Variants in CCDC136 observed in about 807,000 individuals in gnomAD.
The protein encoded by CCDC136 is coiled-coil domain containing 136.
A neutral mutation model predicts 141.2 loss-of-function variants in CCDC136; 100 were observed. That is an observed-to-expected ratio of 0.71 (90% confidence interval 0.60 to 0.84). CCDC136 has a LOEUF of 0.84. CCDC136 is among the 40% of genes least tolerant of loss of function. The pLI is 0.00. For synonymous variants in CCDC136, 474 were observed against 531.9 expected, an observed-to-expected ratio of 0.89 and a Z score of 1.50; for missense variants, 1,206 against 1,379.4, an observed-to-expected ratio of 0.87 and a Z score of 1.99.
chr7:128,796,573 T>C (rs1349246372), intron 3 of CCDC136, among the ~76,000 whole-genome samples: 1 of 151,602 alleles, frequency 6.6e-6, no homozygotes, highest in Non-Finnish European at 1.5e-5. Flanking sequence ...GCTTTACATT[T>C]TTAAAAGAGA....
intron 12 of CCDC136, among the ~76,000 whole-genome samples, chr7:128,811,038 A>G (rs1805635470): frequency 6.6e-6 from 1 of 152,192 alleles, no homozygotes; most frequent in Admixed American, 6.5e-5. Context: ...GTTGGGGGAT[A>G]AAGTTGTTCT....
rs141450493 is a variant in CCDC136, at chr7:128,812,435, T to C, written c.2541+123T>C. On this transcript the variant is annotated intron_variant, in intron 13 of 17. Coordinates refer to ENST00000297788, the MANE Select transcript of CCDC136 (RefSeq NM_022742.5). ...GGGTCAGAACTGACCTGGGGAACTA[T>C]TGGAAGTAAGCGAAGCCCTCTACCC... The C allele has an allele frequency of 2.9e-4, 329 of 1,126,364 alleles. 1 individual carries two copies. Among genetic ancestry groups the C allele is most frequent in the Middle Eastern group, 2.0e-3 (7 of 3,542 alleles). The allele number at this position is 1,126,364 out of a possible 1,614,324, so 69.8% of individuals were successfully genotyped here.
In CCDC136 at chr7:128,812,915, A is replaced by G. The variant is rs750823143; in HGVS notation, c.2749A>G (p.Asn917Asp). Residue 917 changes from asparagine (N) to aspartate (D), a missense_variant, in exon 14 of 18, where the codon AAC (asparagine) becomes GAC (aspartate). Asn to Asp is a conservative substitution (Grantham distance 23). Transcript: ENST00000297788. ...ECLEKPMAPQ[N>D]DKNEIKELQT... ...CCTTGAAAAGCCCATGGCCCCCCAGAACGACAAGAATGAGGTAACCACTGT... is the reference window on the plus strand; with the variant it reads ...CCTTGAAAAGCCCATGGCCCCCCAGGACGACAAGAATGAGGTAACCACTGT... The G allele has an allele frequency of 1.2e-6, 2 of 1,607,292 alleles. No homozygotes were observed. Among genetic ancestry groups the G allele is most frequent in the Admixed American group, 3.4e-5 (2 of 59,044 alleles).
In CCDC136 at chr7:128,815,696, TGGA is replaced by T. The variant is rs1585123624; in HGVS notation, c.3135_3137del (p.Glu1046del). ...AAAGAGGAGGAAAAGAAAGAGGAGATGGAGGAGGAAAAAAAGCAAGTGAAAGAG... is the reference window on the plus strand; with the variant it reads ...AAAGAGGAGGAAAAGAAAGAGGAGATGGAGGAAAAAAAGCAAGTGAAAGAG... On this transcript the variant is annotated inframe_deletion, in exon 16 of 18. Transcript: ENST00000297788. 2 of 1,554,144 alleles carry T rather than the reference TGGA, an allele frequency of 1.3e-6. No homozygotes were observed. The highest frequency in any genetic ancestry group is 2.8e-5 in the African/African-American group (2 of 72,606).
Position 128,797,088 on chromosome 7 carries a change from G to C in CCDC136, c.346+2320G>C, listed in dbSNP as rs974085644. 4.6e-5 allele frequency among the ~76,000 whole-genome samples: 7 copies of C among 152,100 alleles called. No individual in the cohort carries two copies. The South Asian group carries it at 1.5e-3, about 32-fold the overall frequency. ...GCCCTCGGGATTTGCTAATGAATTC[G>C]ATCAGGGGATAACAGAGACATGAAA... is the stretch of plus-strand genomic sequence containing the variant. On this transcript the variant is annotated intron_variant, in intron 3 of 17. Transcript: ENST00000297788.
Position 128,806,750 on chromosome 7 carries a change from A to T in CCDC136, c.1311A>T (p.Glu437Asp). Residue 437 changes from glutamate (E) to aspartate (D), a missense_variant, in exon 9 of 18, where the codon GAA (glutamate) becomes GAT (aspartate). Physicochemically the swap from Glu to Asp is conservative, Grantham distance 45 (BLOSUM62 2). Coordinates refer to ENST00000297788, the MANE Select transcript of CCDC136 (RefSeq NM_022742.5). Reference sequence around the variant, plus strand: ...ACCAGAACGTCACATGTGAGAAGGAAAAGCTGCTGGAACGGCAGCAGCAGC... The same window carrying T: ...ACCAGAACGTCACATGTGAGAAGGATAAGCTGCTGGAACGGCAGCAGCAGC... Reference protein sequence around the residue: ...LQHQNVTCEKEKLLERQQQLQ... With the variant: ...LQHQNVTCEKDKLLERQQQLQ... 6.2e-7 allele frequency: 1 copy of T among 1,612,222 alleles called. No individual in the cohort carries two copies. The highest frequency in any genetic ancestry group is 8.5e-7 in the Non-Finnish European group (1 of 1,179,542).
upstream of CCDC136, among the ~76,000 whole-genome samples, chr7:128,791,242 C>G (rs968236204): frequency 1.3e-5 from 2 of 151,868 alleles, no homozygotes; most frequent in Non-Finnish European, 2.9e-5. This position sits in a 1 kb window ranked among gnomAD's most constrained non-coding sequence, Gnocchi z 7.1. Flanking sequence ...CCCGCGCTCT[C>G]TAGGGGAGAG....
At chr7:128,793,766 C>A (rs1012409449) in intron 1 of CCDC136, among the ~76,000 whole-genome samples, 5 of 152,238 alleles carry the variant, frequency 3.3e-5, no homozygotes, top group Admixed American at 1.3e-4. Context: ...TGTACTACCA[C>A]GCCCAGCTAA....
Position 128,794,854 on chromosome 7 carries a change from A to G in CCDC136, c.346+86A>G, listed in dbSNP as rs139370122. 4.7e-3 allele frequency: 4,939 copies of G among 1,040,002 alleles called. 17 individuals are homozygous for G. Among genetic ancestry groups the G allele is most frequent in the Middle Eastern group, 0.011 (52 of 4,594 alleles). The allele number at this position is 1,040,002 out of a possible 1,614,324, so 64.4% of individuals were successfully genotyped here. On this transcript the variant is annotated intron_variant, in intron 3 of 17. Coordinates refer to ENST00000297788, the MANE Select transcript of CCDC136 (RefSeq NM_022742.5). This position sits in a 1 kb window ranked among gnomAD's most constrained non-coding sequence, Gnocchi z 4.3. ...TTTCCTGAGGGTTTGACTGAAGCAC[A>G]GCAGATAAAAATAACCAAATTCAGT... is the stretch of plus-strand genomic sequence containing the variant.
At chr7:128,804,370 G>T (rs1448809920) in intron 4 of CCDC136, among the ~76,000 whole-genome samples, 1 of 152,182 alleles carries the variant, frequency 6.6e-6, no homozygotes, top group East Asian at 1.9e-4. Context: ...ATTGCTAAAA[G>T]TTCAAGAGTC....
At position 128,792,199 on chromosome 7, in the gene CCDC136, C is replaced by T; in HGVS notation, c.-213C>T. ...AGCCGCCAGAGTGAGTCAGGCACCT[C>T]CACTGGGATTACAGATCCCAGAGCC... On this transcript the variant is annotated 5_prime_UTR_variant, in exon 1 of 18. Transcript: ENST00000297788. 1 of 1,478,890 alleles carries T rather than the reference C, an allele frequency of 6.8e-7. No homozygotes were observed. The highest frequency in any genetic ancestry group is 8.9e-7 in the Non-Finnish European group (1 of 1,120,966). The allele number at this position is 1,478,890 out of a possible 1,614,324, so 91.6% of individuals were successfully genotyped here. A position where few individuals can be genotyped will look rare whatever the true frequency, so the allele number is the denominator to read the frequency against.
At chr7:128,792,912 A>G (rs1802404325) in intron 1 of CCDC136, among the ~76,000 whole-genome samples, 1 of 152,202 alleles carries the variant, frequency 6.6e-6, no homozygotes, top group African/African-American at 2.4e-5. Context: ...GGGGCGCGTG[A>G]GGCCATCCTC....
At position 128,806,257 on chromosome 7, in the gene CCDC136, ACT is replaced by A. The variant is rs1804817405; in HGVS notation, c.1113_1114del (p.Cys372TyrfsTer7). ...CACAGAATGAGGAGCTGAAGTCCAG[ACT>A]CTGTACCCTGCAGAAAAAATATGAT... ...VTQNEELKSR[L>X]CTLQKKYDTS... is the part of the protein sequence containing the mutation. On this transcript the variant is annotated frameshift_variant, in exon 8 of 18. Transcript: ENST00000297788. LOFTEE classifies it high-confidence loss of function. 6 of 1,573,272 alleles carry A rather than the reference ACT, an allele frequency of 3.8e-6. No individual in the cohort carries two copies. Among genetic ancestry groups the A allele is most frequent in the African/African-American group, 1.4e-5 (1 of 73,936 alleles).
Position 128,817,764 on chromosome 7 carries a change from C to T in CCDC136, c.3370C>T (p.Pro1124Ser), listed in dbSNP as rs995401082. Residue 1124 changes from proline to serine, a missense_variant, in exon 17 of 18, where the codon CCT (proline) becomes TCT (serine). By Grantham distance (74) the Pro-to-Ser change is moderately conservative. Coordinates refer to ENST00000297788, the MANE Select transcript of CCDC136 (RefSeq NM_022742.5). The surrounding 1 kb of genome is among the most constrained non-coding windows in gnomAD (Gnocchi z 4.6). ...LRLSESKKSS[P>S]TPNPPIFSLP... ...TCATTTTGGTGTGTTGCAGTCATCC[C>T]CTACCCCCAATCCCCCCATCTTCTC... 5 of 1,613,270 alleles carry T rather than the reference C, an allele frequency of 3.1e-6. No individual in the cohort carries two copies. In the African/African-American group the frequency reaches 6.7e-5, roughly 22 times the overall value.
chr7:128,812,073 G>GAGAGCTATT lies in CCDC136; in HGVS notation c.2303_2304insGAGCTATTA (p.Asp768delinsGluSerTyrTyr). The GAGAGCTATT allele has an allele frequency of 6.8e-6, 11 of 1,614,030 alleles. No homozygotes were observed. The highest frequency in any genetic ancestry group is 9.3e-6 in the Non-Finnish European group (11 of 1,179,886). On this transcript the variant is annotated protein_altering_variant, in exon 13 of 18. Coordinates refer to ENST00000297788, the MANE Select transcript of CCDC136 (RefSeq NM_022742.5). Reference sequence around the variant, plus strand: ...CAAGACTTATGATACCACTGTGGATGACAATGAGAGCTATTACAAGAGTTA... The same window carrying GAGAGCTATT: ...CAAGACTTATGATACCACTGTGGATGAGAGCTATTACAATGAGAGCTATTACAAGAGTTA...
chr7:128,799,691 TG>T, intron 3 of CCDC136, among the ~76,000 whole-genome samples: 2 of 152,024 alleles, frequency 1.3e-5, no homozygotes, highest in East Asian at 3.9e-4. Context: ...GACATCTGAG[TG>T]GTGAGTAGAA....
rs1320034266 is a variant in CCDC136 at position 128,805,513 on chromosome 7, A to C, written c.937A>C (p.Met313Leu). The C allele has an allele frequency of 1.2e-6, 2 of 1,609,878 alleles. No homozygotes were observed. Among genetic ancestry groups the C allele is most frequent in the Middle Eastern group, 1.7e-4 (1 of 6,046 alleles). Residue 313 changes from methionine (M) to leucine (L), a missense_variant, in exon 6 of 18, where the codon ATG becomes CTG. By Grantham distance (15) the Met-to-Leu change is conservative (BLOSUM62 2). Transcript: ENST00000297788. The surrounding 1 kb of genome is among the most constrained non-coding windows in gnomAD (Gnocchi z 4.6). ...GGATGCTGAAGAGCAGATGCATGGC[A>C]TGAAGAACAAGGTAGGGCACAGAGG... is the stretch of plus-strand genomic sequence containing the variant. ...LRDAEEQMHGMKNKCQELCCE... is the reference protein window; with the variant it reads ...LRDAEEQMHGLKNKCQELCCE...
At position 128,803,787 on chromosome 7, in the gene CCDC136, G is replaced by T. The variant is rs576860494; in HGVS notation, c.671-863G>T. 8.5e-4 allele frequency among the ~76,000 whole-genome samples: 129 copies of T among 151,886 alleles called. 1 individual carries two copies. Among genetic ancestry groups the T allele is most frequent in the African/African-American group, 3.0e-3 (125 of 41,404 alleles). Reference sequence around the variant, plus strand: ...GAGTCTGGTTAGGATGGGCCTGTCAGCAGATAAAAGGCCATTAGAAAGAAT... The same window carrying T: ...GAGTCTGGTTAGGATGGGCCTGTCATCAGATAAAAGGCCATTAGAAAGAAT... On this transcript the variant is annotated intron_variant, in intron 4 of 17. Coordinates refer to ENST00000297788, the MANE Select transcript of CCDC136 (RefSeq NM_022742.5).
Position 128,805,624 on chromosome 7 carries a change from G to A in CCDC136, c.948+100G>A. ...CATCTCCATAGGCATCCACTGTGGAGGGAGATAGTACTCTGGGGTCTCACT... is the reference window on the plus strand; with the variant it reads ...CATCTCCATAGGCATCCACTGTGGAAGGAGATAGTACTCTGGGGTCTCACT... On this transcript the variant is annotated intron_variant, in intron 6 of 17. Transcript: ENST00000297788. The surrounding 1 kb of genome is among the most constrained non-coding windows in gnomAD (Gnocchi z 4.6). 4 of 1,522,788 alleles carry A rather than the reference G, an allele frequency of 2.6e-6. No individual in the cohort carries two copies. In the South Asian group the frequency reaches 3.7e-5, roughly 14 times the overall value. The allele number at this position is 1,522,788 out of a possible 1,614,324, so 94.3% of individuals were successfully genotyped here. A position where few individuals can be genotyped will look rare whatever the true frequency, so the allele number is the denominator to read the frequency against.
Sources: gnomAD v4.1 joint callset for allele counts (sites outside exome capture counted in the v4.1 genomes callset) on GRCh38, gnomAD v4.1.1 for gene constraint, Gnocchi (gnomAD v3.1) non-coding constraint, MANE v1.5 for transcripts, NCBI Gene and HGNC (gene_info 2026-07-23, HGNC 2026-07-21) for gene names.